The following MAF variants were observed in gnomAD, a reference collection of about 807,000 sequenced individuals.
The protein encoded by MAF is MAF bZIP transcription factor.
In MAF, 10 loss-of-function variants were observed where a neutral mutation model predicts 22.0. That is an observed-to-expected ratio of 0.45 (90% CI 0.28 to 0.77). The LOEUF (loss-of-function observed/expected upper bound fraction) is 0.77. MAF is among the 30% of genes least tolerant of loss of function. MAF has a pLI of 0.12. For missense variants in MAF, 544 were observed against 548.4 expected (o/e 0.99, Z 0.08); for synonymous variants, 337 against 255.8 (o/e 1.32, Z -3.03).
the MAF span, among the ~76,000 whole-genome samples, chr16:79,469,573 C>A: frequency 6.9e-4 from 105 of 152,030 alleles, no homozygotes; most frequent in African/African-American, 2.3e-3. Flanking sequence ...TATGCAAGGT[C>A]TCATTTATTT....
the MAF span, among the ~76,000 whole-genome samples, chr16:79,502,596 G>A: frequency 3.2e-4 from 48 of 150,896 alleles, no homozygotes; most frequent in African/African-American, 1.1e-3. Context: ...AGCCCAGGAG[G>A]TGGAGGTTGC....
the MAF span, among the ~76,000 whole-genome samples, chr16:79,418,315 C>G: frequency 6.6e-6 from 1 of 152,078 alleles, no homozygotes; most frequent in African/African-American, 2.4e-5. Context: ...TGGGGCCTCA[C>G]GGTCAGCTGG....
the MAF span, among the ~76,000 whole-genome samples, chr16:79,375,743 T>C: frequency 6.6e-6 from 1 of 152,190 alleles, no homozygotes; most frequent in East Asian, 1.9e-4. Context: ...TAAAAAAAAA[T>C]CTGCTGTAGT....
chr16:79,469,423 T>A, the MAF span, among the ~76,000 whole-genome samples: 1 of 152,198 alleles, frequency 6.6e-6, no homozygotes. Flanking sequence ...CCTGGGTGGC[T>A]TTAAGCAAGT....
At chr16:79,598,445 CG>C (rs879026604) in intron 1 of MAF, 41 of 337,878 alleles carry the variant, frequency 1.2e-4, no homozygotes, top group Admixed American at 4.7e-4. Context: ...GGGGGTGGGG[CG>C]GGGGGGTGTA....
chr16:79,449,369 C>G, the MAF span, among the ~76,000 whole-genome samples: 3 of 152,008 alleles, frequency 2.0e-5, no homozygotes, highest in African/African-American at 7.2e-5. Flanking sequence ...CAGTGAGAAA[C>G]CAAAAAAATC....
At chr16:79,300,765 T>C in the MAF span, among the ~76,000 whole-genome samples, 3 of 152,060 alleles carry the variant, frequency 2.0e-5, no homozygotes, top group South Asian at 2.1e-4. Context: ...ATGTTATCTA[T>C]GTGTGTATAT....
At chr16:79,484,596 G>T in the MAF span, among the ~76,000 whole-genome samples, 6 of 152,146 alleles carry the variant, frequency 3.9e-5, no homozygotes, top group Non-Finnish European at 8.8e-5. Flanking sequence ...GCCTCCCTTG[G>T]AAAAGGCCCA....
chr16:79,377,435 T>G, the MAF span, among the ~76,000 whole-genome samples: 5 of 152,216 alleles, frequency 3.3e-5, no homozygotes, highest in Non-Finnish European at 5.9e-5. Context: ...TAGCCCTTTG[T>G]CAGATGAGTA....
chr16:79,578,711 GATAA>G, the MAF span, among the ~76,000 whole-genome samples: 3 of 152,208 alleles, frequency 2.0e-5, no homozygotes, highest in East Asian at 5.8e-4. Context: ...CTGAGAAATA[GATAA>G]ATAAATTTCA....
the MAF span, among the ~76,000 whole-genome samples, chr16:79,340,654 C>G: frequency 6.6e-6 from 1 of 151,868 alleles, no homozygotes; most frequent in Non-Finnish European, 1.5e-5. Context: ...AGTGGGATCT[C>G]TACCTGGAAA....
the MAF span, among the ~76,000 whole-genome samples, chr16:79,265,542 G>GTATATTTT: frequency 3.3e-5 from 5 of 152,134 alleles, no homozygotes; most frequent in Non-Finnish European, 7.3e-5. Context: ...CCTATATACA[G>GTATATTTT]TATATTTTTC....
chr16:79,500,733 T>C, the MAF span, among the ~76,000 whole-genome samples: 1 of 152,188 alleles, frequency 6.6e-6, no homozygotes, highest in Non-Finnish European at 1.5e-5. Flanking sequence ...AGTGATTTTT[T>C]ACTAGAAGAG....
the MAF span, among the ~76,000 whole-genome samples, chr16:79,450,015 C>G: frequency 6.6e-6 from 1 of 152,210 alleles, no homozygotes; most frequent in Non-Finnish European, 1.5e-5. Context: ...AATTGCTGCT[C>G]TTTTAGGCAA....
the MAF span, among the ~76,000 whole-genome samples, chr16:79,546,871 C>T: frequency 6.6e-6 from 1 of 152,064 alleles, no homozygotes. Flanking sequence ...ACTTATATGA[C>T]ATGTTTATGA....
the MAF span, among the ~76,000 whole-genome samples, chr16:79,544,590 T>C: frequency 3.1e-3 from 474 of 151,976 alleles, 1 homozygote; most frequent in Non-Finnish European, 5.7e-3. Context: ...GTGGATAACA[T>C]GGTGAAACCC....
chr16:79,243,295 G>C, the MAF span, among the ~76,000 whole-genome samples: 1 of 151,204 alleles, frequency 6.6e-6, no homozygotes, highest in Non-Finnish European at 1.5e-5. Context: ...TTTTATTTTT[G>C]TTTTTTAAAA....
the MAF span, among the ~76,000 whole-genome samples, chr16:79,467,098 T>C: frequency 4.6e-5 from 7 of 152,312 alleles, no homozygotes; most frequent in South Asian, 2.1e-4. Flanking sequence ...TAAAACATTA[T>C]TTTGTCTTTC....
chr16:79,336,216 C>T, the MAF span, among the ~76,000 whole-genome samples: 4 of 152,312 alleles, frequency 2.6e-5, no homozygotes, highest in Admixed American at 1.3e-4. Flanking sequence ...ACACTTGCTC[C>T]ACTACTTGTC....
Sources: allele counts gnomAD v4.1 joint callset (sites outside exome capture counted in the v4.1 genomes callset), GRCh38; gene constraint gnomAD v4.1.1; transcripts MANE v1.5; gene names NCBI Gene and HGNC (gene_info 2026-07-23, HGNC 2026-07-21).